The following MGST1 variants were observed in gnomAD, a reference collection of about 807,000 sequenced individuals.
MGST1 encodes the protein microsomal glutathione S-transferase 1, also known as glutathione S-transferase 12.
In MGST1, 5 loss-of-function variants were observed where a neutral mutation model predicts 8.9. That is an observed-to-expected ratio of 0.56 (90% CI 0.29 to 1.19). The LOEUF is 1.19. Among genes scored for constraint, MGST1 ranks in the 50% most tolerant of loss-of-function variants. The pLI is 0.08. For missense variants in MGST1, 182 were observed against 187.4 expected (o/e 0.97, Z 0.17); for synonymous variants, 54 against 67.8 (o/e 0.80, Z 1.00).
At chr12:16,479,394 C>T (rs370827405) in intron 4 of MGST1, among the ~76,000 whole-genome samples, 17 of 150,936 alleles carry the variant, frequency 1.1e-4, no homozygotes, top group African/African-American at 4.1e-4. Flanking sequence ...GCCACCACGC[C>T]CGGCTAATTT....
chr12:16,356,423 A>G (rs1344592491), intron 2 of MGST1, among the ~76,000 whole-genome samples: 1 of 152,150 alleles, frequency 6.6e-6, no homozygotes, highest in Non-Finnish European at 1.5e-5. Context: ...CTTTATCTGG[A>G]ATATTTATTC....
rs1203535708 is a variant in MGST1, at chr12:16,547,997, A to T, written n.483-41531A>T. Among the ~76,000 whole-genome samples, 1 of 152,174 alleles carries T rather than the reference A, an allele frequency of 6.6e-6. No individual in the cohort carries two copies. Among genetic ancestry groups the T allele is most frequent in the African/African-American group, 2.4e-5 (1 of 41,450 alleles). On this transcript the variant is annotated intron_variant and non_coding_transcript_variant, in intron 4 of 4. Transcript: ENST00000538857. The surrounding 1 kb of genome is among the most constrained non-coding windows in gnomAD (Gnocchi z 4.6). Reference sequence around the variant, plus strand: ...AGTTAAGGTGCAACATCTCTTCTGTAAAAATGTAGAATTGAGTTTCCTGTT... The same window carrying T: ...AGTTAAGGTGCAACATCTCTTCTGTTAAAATGTAGAATTGAGTTTCCTGTT...
intron 4 of MGST1, among the ~76,000 whole-genome samples, chr12:16,564,481 C>CAT (rs1451730517): frequency 1.1e-4 from 17 of 152,312 alleles, no homozygotes; most frequent in African/African-American, 4.1e-4. Flanking sequence ...AAACTCAAGA[C>CAT]ATATACTCAT....
rs892900964 is a variant in MGST1 at position 16,406,781 on chromosome 12, A to G, written n.778+23177A>G. Among the ~76,000 whole-genome samples the G allele has an allele frequency of 9.9e-5, 15 of 152,206 alleles. 1 individual carries two copies. The highest frequency in any genetic ancestry group is 2.1e-4 in the Non-Finnish European group (14 of 68,030). ...GCCTATGACATCTGATCTCTGACAA[A>G]GCTGACAAAGCAAACATTGGGAAAA... On this transcript the variant is annotated intron_variant and non_coding_transcript_variant, in intron 1 of 1. Transcript: ENST00000359720.
Position 16,357,631 on chromosome 12 carries a change from A to G in MGST1, c.153A>G (p.Val51=), listed in dbSNP as rs1387879231. Residue 51 remains valine (V), a synonymous_variant, in exon 3 of 4, where the codon GTA becomes GTG. Transcript: ENST00000396210. ...RKVFANPEDC[V]AFGKGENAKK... ...TTTTTGCCAATCCAGAAGACTGTGT[A>G]GCATTTGGCAAAGGAGAAAATGCCA... 1 of 1,613,810 alleles carries G rather than the reference A, an allele frequency of 6.2e-7. No individual in the cohort carries two copies. Among genetic ancestry groups the G allele is most frequent in the Non-Finnish European group, 8.5e-7 (1 of 1,179,960 alleles).
At chr12:16,464,063 G>A (rs1941238985) in intron 4 of MGST1, among the ~76,000 whole-genome samples, 1 of 152,182 alleles carries the variant, frequency 6.6e-6, no homozygotes, top group Admixed American at 6.5e-5. Context: ...TGAAATGTGA[G>A]CCAGTTACTT....
intron 1 of MGST1, among the ~76,000 whole-genome samples, chr12:16,386,226 C>A (rs185753703): frequency 6.6e-6 from 1 of 152,164 alleles, no homozygotes; most frequent in South Asian, 2.1e-4. Flanking sequence ...TTTCCCATTG[C>A]CACTAGATGT....
intron 1 of MGST1, among the ~76,000 whole-genome samples, chr12:16,435,050 CAAG>C (rs1265577293): frequency 2.6e-5 from 4 of 151,790 alleles, no homozygotes; most frequent in Admixed American, 6.6e-5. Context: ...ATCTTTTAAA[CAAG>C]AAGTTTGTTT....
intron 2 of MGST1, 44 bp downstream of exon 2, chr12:16,354,422 A>G (rs543439648): frequency 1.9e-5 from 30 of 1,561,496 alleles, no homozygotes; most frequent in Middle Eastern, 2.0e-4. Context: ...TAAGAGTTGG[A>G]ATTCTGGAGA....
Position 16,538,608 on chromosome 12 carries a change from C to CTT in MGST1, n.483-50903_483-50902dup, listed in dbSNP as rs35801123. Among the ~76,000 whole-genome samples, 15 of 128,226 alleles carry CTT rather than the reference C, an allele frequency of 1.2e-4. No homozygotes were observed. In the East Asian group the frequency reaches 2.0e-3, roughly 17 times the overall value. The allele number at this position is 128,226 out of a possible 152,430, so 84.1% of individuals were successfully genotyped here. Reference sequence around the variant, plus strand: ...TCATGGCAAGAGATGAAAGGCACTTCTTTTTTTTTTTTTTTTTTGAGACAG... The same window carrying CTT: ...TCATGGCAAGAGATGAAAGGCACTTCTTTTTTTTTTTTTTTTTTTTGAGACAG... On this transcript the variant is annotated intron_variant and non_coding_transcript_variant, in intron 4 of 4. Coordinates refer to the MGST1 transcript ENST00000538857.
At chr12:16,540,105 C>G (rs1344668030) in intron 4 of MGST1, among the ~76,000 whole-genome samples, 1 of 152,194 alleles carries the variant, frequency 6.6e-6, no homozygotes, top group Non-Finnish European at 1.5e-5. Context: ...TCCCTGCTCC[C>G]AGATTATCCA....
chr12:16,376,176 G>A, exon 4 of MGST1: 1 of 1,053,556 alleles, frequency 9.5e-7, no homozygotes, highest in Non-Finnish European at 1.4e-6. Context: ...GTTTAACTCG[G>A]CATAACCAAT....
chr12:16,368,022 G>C (rs939358670), downstream of MGST1, among the ~76,000 whole-genome samples: 1 of 147,896 alleles, frequency 6.8e-6, no homozygotes, highest in Non-Finnish European at 1.5e-5. Flanking sequence ...GAAGTGACTT[G>C]GCATGTCTAT....
At chr12:16,579,900 G>C (rs1309071438) in intron 4 of MGST1, among the ~76,000 whole-genome samples, 1 of 152,110 alleles carries the variant, frequency 6.6e-6, no homozygotes, top group African/African-American at 2.4e-5. Flanking sequence ...ATACCCACTA[G>C]GTTTAATTGC....
intron 4 of MGST1, among the ~76,000 whole-genome samples, chr12:16,466,069 T>G (rs1459530603): frequency 2.6e-5 from 4 of 152,356 alleles, no homozygotes; most frequent in African/African-American, 9.6e-5. Flanking sequence ...TGGAAACACT[T>G]GCATATGTGT....
Position 16,500,621 on chromosome 12 carries a change from AGT to A in MGST1, n.483-88906_483-88905del, listed in dbSNP as rs1379216065. Among the ~76,000 whole-genome samples the A allele has an allele frequency of 6.6e-6, 1 of 152,192 alleles. No individual in the cohort carries two copies. The highest frequency in any genetic ancestry group is 3.2e-3 in the Middle Eastern group (1 of 316). ...AAGATTTAGGTCAAAATTAACTTAG[AGT>A]CGTTTTTGACAAAGCAGAGACTTAG... is the stretch of plus-strand genomic sequence containing the variant. On this transcript the variant is annotated intron_variant and non_coding_transcript_variant, in intron 4 of 4. Coordinates refer to the MGST1 transcript ENST00000538857. The surrounding 1 kb of genome is among the most constrained non-coding windows in gnomAD (Gnocchi z 4.3).
At chr12:16,568,018 T>C (rs1183564780) in intron 4 of MGST1, among the ~76,000 whole-genome samples, 1 of 152,162 alleles carries the variant, frequency 6.6e-6, no homozygotes, top group East Asian at 1.9e-4. Flanking sequence ...AATATTTAAC[T>C]GTTTGATTTT....
At chr12:16,406,755 C>T (rs748875086) in intron 1 of MGST1, among the ~76,000 whole-genome samples, 3 of 152,092 alleles carry the variant, frequency 2.0e-5, no homozygotes, top group Non-Finnish European at 4.4e-5. Context: ...TAAAGCTGCA[C>T]GCCTATGACA....
chr12:16,492,351 A>G (rs1941445194), intron 4 of MGST1, among the ~76,000 whole-genome samples: 1 of 152,136 alleles, frequency 6.6e-6, no homozygotes, highest in African/African-American at 2.4e-5. Context: ...TACTTCACCT[A>G]ACAGGCTCTC....
Sources: gnomAD v4.1 joint callset for allele counts (sites outside exome capture counted in the v4.1 genomes callset) on GRCh38, gnomAD v4.1.1 for gene constraint, Gnocchi (gnomAD v3.1) non-coding constraint, MANE v1.5 for transcripts, NCBI Gene and HGNC (gene_info 2026-07-23, HGNC 2026-07-21) for gene names.